Variants in PPARGC1A observed in about 807,000 individuals in gnomAD.
PPARGC1A encodes the protein PPARG coactivator 1 alpha.
PPARGC1A carries 25 observed loss-of-function variants against 88.7 expected under a neutral mutation model. That is an observed-to-expected ratio of 0.28 (90% CI 0.21 to 0.39). The LOEUF (loss-of-function observed/expected upper bound fraction) is 0.39. Among genes scored for constraint, PPARGC1A ranks in the 10% least tolerant of loss-of-function variants. The pLI, the probability that PPARGC1A is intolerant of heterozygous loss-of-function variation, is 1.00. For synonymous variants in PPARGC1A, 363 were observed against 355.6 expected (o/e 1.02, Z -0.24); for missense variants, 880 against 968.7 (o/e 0.91, Z 1.22).
the PPARGC1A span, among the ~76,000 whole-genome samples, chr4:24,453,421 G>A: frequency 6.6e-6 from 1 of 152,250 alleles, no homozygotes; most frequent in African/African-American, 2.4e-5. Context: ...TGACTGACTA[G>A]AAGCAAAAGG....
chr4:23,837,709 A>G (rs2148587638), intron 2 of PPARGC1A, among the ~76,000 whole-genome samples: 1 of 152,360 alleles, frequency 6.6e-6, no homozygotes, highest in South Asian at 2.1e-4. Flanking sequence ...AATATAAATG[A>G]CATTCTTGGA....
At chr4:23,937,592 T>C in the PPARGC1A span, among the ~76,000 whole-genome samples, 1 of 152,180 alleles carries the variant, frequency 6.6e-6, no homozygotes, top group African/African-American at 2.4e-5. Flanking sequence ...TTCAACATTT[T>C]TTTTCCTATT....
At chr4:23,878,246 C>A (rs1462071353) in intron 2 of PPARGC1A, among the ~76,000 whole-genome samples, 1 of 151,918 alleles carries the variant, frequency 6.6e-6, no homozygotes, top group African/African-American at 2.4e-5. Context: ...TTTCTCCTAT[C>A]CCAAAATACA....
chr4:24,346,294 T>C, the PPARGC1A span, among the ~76,000 whole-genome samples: 1 of 152,176 alleles, frequency 6.6e-6, no homozygotes, highest in African/African-American at 2.4e-5. Flanking sequence ...GCTGGCTTCA[T>C]AGAATGAGTT....
the PPARGC1A span, among the ~76,000 whole-genome samples, chr4:24,433,625 T>C: frequency 3.8e-4 from 58 of 152,304 alleles, no homozygotes; most frequent in African/African-American, 1.3e-3. Context: ...GACTTTCCTC[T>C]CCTTGTTGAT....
At chr4:23,888,344 T>C (rs2148847857) in intron 1 of PPARGC1A, among the ~76,000 whole-genome samples, 1 of 152,314 alleles carries the variant, frequency 6.6e-6, no homozygotes, top group Non-Finnish European at 1.5e-5. Flanking sequence ...CTGCAGGAAT[T>C]CCAATGATTA....
the PPARGC1A span, among the ~76,000 whole-genome samples, chr4:24,101,275 G>T: frequency 6.6e-6 from 1 of 152,146 alleles, no homozygotes; most frequent in East Asian, 1.9e-4. Context: ...CATGAAAAAG[G>T]TGCCTGCTTC....
chr4:23,858,037 A>G (rs1435915920), intron 2 of PPARGC1A, among the ~76,000 whole-genome samples: 1 of 152,008 alleles, frequency 6.6e-6, no homozygotes, highest in Admixed American at 6.6e-5. Context: ...ATGGCTAAAT[A>G]CTACTATGGC....
At chr4:24,392,826 C>G in the PPARGC1A span, among the ~76,000 whole-genome samples, 1 of 152,102 alleles carries the variant, frequency 6.6e-6, no homozygotes, top group Admixed American at 6.6e-5. Flanking sequence ...AGCTCCTTAT[C>G]TAAGACTCTG....
At chr4:24,143,272 GGACA>G in the PPARGC1A span, among the ~76,000 whole-genome samples, 1 of 152,100 alleles carries the variant, frequency 6.6e-6, no homozygotes, top group Non-Finnish European at 1.5e-5. Context: ...CATGGTGTAG[GGACA>G]GACAGCCTCT....
At chr4:24,217,423 C>G in the PPARGC1A span, among the ~76,000 whole-genome samples, 3 of 152,164 alleles carry the variant, frequency 2.0e-5, no homozygotes, top group East Asian at 5.8e-4. Flanking sequence ...TAGTTAGAGG[C>G]TACTGCCGTT....
chr4:24,418,446 G>T, the PPARGC1A span, among the ~76,000 whole-genome samples: 1 of 151,896 alleles, frequency 6.6e-6, no homozygotes, highest in Non-Finnish European at 1.5e-5. Context: ...AAGCACTATG[G>T]CAGGTCCTGG....
At chr4:24,143,542 C>T in the PPARGC1A span, among the ~76,000 whole-genome samples, 200 of 151,940 alleles carry the variant, frequency 1.3e-3, no homozygotes, top group Middle Eastern at 3.4e-3. Flanking sequence ...AAGTATACGA[C>T]GATATGAATA....
chr4:24,308,916 A>T, the PPARGC1A span, among the ~76,000 whole-genome samples: 1 of 152,176 alleles, frequency 6.6e-6, no homozygotes, highest in Non-Finnish European at 1.5e-5. Flanking sequence ...ACAAATAGGG[A>T]AAAATCACTG....
intron 7 of PPARGC1A, 83 bp from the exon 8 acceptor site, chr4:23,814,688 G>A: frequency 7.9e-7 from 1 of 1,259,062 alleles, no homozygotes; most frequent in South Asian, 1.7e-5. Flanking sequence ...GAAGACACAT[G>A]TTTCTAATTT....
the PPARGC1A span, among the ~76,000 whole-genome samples, chr4:23,936,842 C>G: frequency 6.6e-6 from 1 of 152,098 alleles, no homozygotes; most frequent in Non-Finnish European, 1.5e-5. Context: ...TGCACTCCAG[C>G]CTTGGTGACA....
At chr4:24,074,656 A>T in the PPARGC1A span, among the ~76,000 whole-genome samples, 8 of 151,772 alleles carry the variant, frequency 5.3e-5, no homozygotes, top group Non-Finnish European at 1.0e-4. Context: ...TTGCCCTTTC[A>T]TTCCTTCCTA....
the PPARGC1A span, among the ~76,000 whole-genome samples, chr4:24,338,935 A>C: frequency 6.6e-6 from 1 of 152,164 alleles, no homozygotes; most frequent in Non-Finnish European, 1.5e-5. Flanking sequence ...CCATGACATG[A>C]AATTAGCCAT....
chr4:23,961,124 A>G, the PPARGC1A span, among the ~76,000 whole-genome samples: 2 of 152,140 alleles, frequency 1.3e-5, no homozygotes, highest in African/African-American at 2.4e-5. Flanking sequence ...TAATGTCAGG[A>G]AAGAGGGAAG....
Sources: allele counts gnomAD v4.1 joint callset (sites outside exome capture counted in the v4.1 genomes callset), GRCh38; gene constraint gnomAD v4.1.1; transcripts MANE v1.5; gene names NCBI Gene and HGNC (gene_info 2026-07-23, HGNC 2026-07-21).